PPL: variants seen among roughly 807,000 people sequenced by gnomAD.
PPL encodes periplakin, also known as 190 kDa paraneoplastic pemphigus antigen.
Under a neutral mutation model 194.4 loss-of-function variants are expected in PPL, and 198 were observed. That is an observed-to-expected ratio of 1.02 (90% CI 0.91 to 1.15). PPL has a LOEUF of 1.15. Among genes scored for constraint, PPL ranks in the 50% most tolerant of loss-of-function variants. The pLI, the probability that PPL is intolerant of heterozygous loss-of-function variation, is 0.00. For synonymous variants in PPL, 1,220 were observed against 972.4 expected, an observed-to-expected ratio of 1.25 and a Z score of -4.74; for missense variants, 2,885 against 2,294.8, an observed-to-expected ratio of 1.26 and a Z score of -5.25.
At chr16:4,913,774 C>T (rs568122303) in intron 1 of PPL, among the ~76,000 whole-genome samples, 15 of 152,312 alleles carry the variant, frequency 9.8e-5, no homozygotes, top group East Asian at 1.9e-4. Flanking sequence ...AGTTAGCCAG[C>T]GATGATAGCT....
chr16:4,894,894 C>T (rs182175180), intron 11 of PPL, among the ~76,000 whole-genome samples: 7 of 152,350 alleles, frequency 4.6e-5, no homozygotes, highest in African/African-American at 1.4e-4. Flanking sequence ...GGACATGTGA[C>T]TTGGACCTGG....
rs545438696 is a variant in PPL, at chr16:4,907,690, G to A, written c.162+3160C>T. On this transcript the variant is annotated intron_variant, in intron 2 of 21. Coordinates refer to ENST00000345988, the MANE Select transcript of PPL (RefSeq NM_002705.5). ...GCCACTGACTTGTACACATTACATGGTTAATTTTATGTTATGTGAATCTCC... is the reference window on the plus strand; with the variant it reads ...GCCACTGACTTGTACACATTACATGATTAATTTTATGTTATGTGAATCTCC... 2.6e-5 allele frequency among the ~76,000 whole-genome samples: 4 copies of A among 152,158 alleles called. No individual in the cohort carries two copies. The East Asian group carries it at 5.8e-4, about 22-fold the overall frequency.
rs777953426 is a variant in PPL at position 4,884,378 on chromosome 16, C to T, written c.4277G>A (p.Arg1426Gln). The change falls in exon 22 of 22, where the codon CGG becomes CAG. Residue 1426 changes from arginine to glutamine, a missense_variant. Coordinates refer to ENST00000345988, the MANE Select transcript of PPL (RefSeq NM_002705.5). This position sits in a 1 kb window ranked among gnomAD's most constrained non-coding sequence, Gnocchi z 5.7. Reference protein sequence around the residue: ...AEREVQRLQQRLAALEQEEAE... With the variant: ...AEREVQRLQQQLAALEQEEAE... ...TTCTTCCTGCTCCAGCGCTGCCAGC[C>T]GCTGCTGCAACCGCTGTACCTCGCG... The T allele has an allele frequency of 1.1e-5, 18 of 1,611,598 alleles. No individual in the cohort carries two copies. Among genetic ancestry groups the T allele is most frequent in the Middle Eastern group, 1.6e-4 (1 of 6,068 alleles).
At position 4,899,323 on chromosome 16, in the gene PPL, G is replaced by C; in HGVS notation, c.668C>G (p.Thr223Ser). The C allele has an allele frequency of 6.2e-7, 1 of 1,613,618 alleles. No homozygotes were observed. The highest frequency in any genetic ancestry group is 1.1e-5 in the South Asian group (1 of 91,080). Residue 223 changes from threonine (T) to serine (S), a missense_variant, in exon 7 of 22, where the codon ACC becomes AGC. Thr to Ser is a moderately conservative substitution (Grantham distance 58). Coordinates refer to ENST00000345988, the MANE Select transcript of PPL (RefSeq NM_002705.5). ...CTGGTCCAGCCAGTACAGCTCATTG[G>C]TGCAGCGCTGCATGTAGTCCTGCAG... ...SSLQDYMQRC[T>S]NELYWLDQQA...
intron 19 of PPL, 95 bp from the exon 20 acceptor site, chr16:4,888,313 C>G: frequency 2.4e-6 from 2 of 839,494 alleles, no homozygotes; most frequent in South Asian, 2.9e-5. Flanking sequence ...CAGACCTGCC[C>G]TGTGCCATGT....
intron 14 of PPL, chr16:4,892,911 C>T (rs567169517): frequency 2.2e-4 from 75 of 334,750 alleles, no homozygotes; most frequent in African/African-American, 1.5e-3. Flanking sequence ...AACGTGTTTG[C>T]AGTCAAGCCA....
chr16:4,883,138 C>T lies in PPL; in HGVS notation c.*246G>A, dbSNP rs1280108942. ...TACAGGAAAAGGGAGGAAAAGGCAT[C>T]GCAGTTGTCCAGTCATTGGAGGATG... is the stretch of plus-strand genomic sequence containing the variant. On this transcript the variant is annotated 3_prime_UTR_variant, in exon 22 of 22. Transcript: ENST00000345988. This position sits in a 1 kb window ranked among gnomAD's most constrained non-coding sequence, Gnocchi z 4.8. 4 of 518,956 alleles carry T rather than the reference C, an allele frequency of 7.7e-6. No homozygotes were observed. Among genetic ancestry groups the T allele is most frequent in the Middle Eastern group, 5.2e-4 (1 of 1,932 alleles). The allele number at this position is 518,956 out of a possible 1,614,324, so 32.1% of individuals were successfully genotyped here.
At chr16:4,921,432 G>T (rs558855789) in intron 1 of PPL, among the ~76,000 whole-genome samples, 29 of 152,248 alleles carry the variant, frequency 1.9e-4, no homozygotes, top group Non-Finnish European at 3.7e-4. Context: ...TGGCTCTGTC[G>T]CCAGGAGTCA....
rs778718865 is a variant in PPL at position 4,901,068 on chromosome 16, A to T, written c.460T>A (p.Phe154Ile). The T allele has an allele frequency of 1.9e-6, 3 of 1,614,144 alleles. No individual in the cohort carries two copies. The South Asian group carries it at 3.3e-5, about 18-fold the overall frequency. Residue 154 changes from phenylalanine (F) to isoleucine (I), a missense_variant, in exon 5 of 22, where the codon TTT (phenylalanine) becomes ATT (isoleucine). By Grantham distance (21) the Phe-to-Ile change is conservative. Coordinates refer to ENST00000345988, the MANE Select transcript of PPL (RefSeq NM_002705.5). ...EKLDKLNNQS[F>I]GTDLPLVDHQ... ...TCCACCAGCGGCAGGTCAGTCCCAA[A>T]GCTCTGGTTGTTCAGCTTGTCCTGG...
chr16:4,933,602 T>C (rs2089252777), intron 1 of PPL, among the ~76,000 whole-genome samples: 2 of 152,282 alleles, frequency 1.3e-5, no homozygotes, highest in South Asian at 2.1e-4. Context: ...TCACAAAGTA[T>C]GTGAGTGGCC....
chr16:4,883,338 G>C lies in PPL; in HGVS notation c.*46C>G, dbSNP rs201511569. ...ACACCAAGGAGGTCACTGCGTCGTAGGAGAGGGCCAGCGTCTGCCGTTACG... is the reference window on the plus strand; with the variant it reads ...ACACCAAGGAGGTCACTGCGTCGTACGAGAGGGCCAGCGTCTGCCGTTACG... On this transcript the variant is annotated 3_prime_UTR_variant, in exon 22 of 22. Coordinates refer to ENST00000345988, the MANE Select transcript of PPL (RefSeq NM_002705.5). This position sits in a 1 kb window ranked among gnomAD's most constrained non-coding sequence, Gnocchi z 4.8. The C allele has an allele frequency of 4.4e-6, 7 of 1,608,798 alleles. No homozygotes were observed. In the East Asian group the frequency reaches 1.6e-4, roughly 36 times the overall value.
intron 18 of PPL, among the ~76,000 whole-genome samples, chr16:4,889,580 G>C (rs1043361814): frequency 6.6e-6 from 1 of 152,124 alleles, no homozygotes; most frequent in Non-Finnish European, 1.5e-5. Context: ...CTAAGGCTCT[G>C]TGAAGAAGGG....
At chr16:4,898,601 T>C (rs1052582123) in intron 8 of PPL, among the ~76,000 whole-genome samples, 2 of 152,140 alleles carry the variant, frequency 1.3e-5, no homozygotes, top group Non-Finnish European at 2.9e-5. Flanking sequence ...CCAAGGGCTG[T>C]TGGCAACCCC....
intron 1 of PPL, among the ~76,000 whole-genome samples, chr16:4,928,231 C>G (rs2089184086): frequency 6.6e-6 from 1 of 152,254 alleles, no homozygotes; most frequent in African/African-American, 2.4e-5. Flanking sequence ...GCCTTCAACT[C>G]TTGGGCTCAA....
At chr16:4,894,696 G>A (rs1267905515) in intron 11 of PPL, 78 bp from the exon 12 acceptor site, 11 of 1,527,630 alleles carry the variant, frequency 7.2e-6, no homozygotes, top group East Asian at 4.6e-5. Flanking sequence ...CTCAGCCCCC[G>A]ACTCTTGGAC....
At chr16:4,910,783 G>T in intron 2 of PPL, 67 bp downstream of exon 2, 1 of 1,353,506 alleles carries the variant, frequency 7.4e-7, no homozygotes, top group Non-Finnish European at 1.1e-6. Flanking sequence ...ATTCCAAACA[G>T]ATCCTGGTCC....
At chr16:4,915,772 G>C (rs2088904617) in intron 1 of PPL, among the ~76,000 whole-genome samples, 1 of 152,212 alleles carries the variant, frequency 6.6e-6, no homozygotes, top group African/African-American at 2.4e-5. Context: ...TGACAACCCT[G>C]AGAGCTGGGT....
rs1296753292 is a variant in PPL at position 4,902,356 on chromosome 16, C to T, written c.438+50G>A. 1 of 1,607,322 alleles carries T rather than the reference C, an allele frequency of 6.2e-7. No homozygotes were observed. The highest frequency in any genetic ancestry group is 1.1e-5 in the South Asian group (1 of 89,772). On this transcript the variant is annotated intron_variant, in intron 4 of 21. Transcript: ENST00000345988. This position sits in a 1 kb window ranked among gnomAD's most constrained non-coding sequence, Gnocchi z 4.0. ...GTAGGCTCTCCCTGCACACGCACAG[C>T]CCCCTCCCCAGCTGAAACCCTGGAG... is the stretch of plus-strand genomic sequence containing the variant.
chr16:4,894,580 C>G lies in PPL; in HGVS notation c.1281G>C (p.Lys427Asn), dbSNP rs144887163. The change falls in exon 12 of 22, where the codon AAG (lysine) becomes AAC (asparagine). Residue 427 changes from lysine (K) to asparagine (N), a missense_variant. Transcript: ENST00000345988. ...TGAGCTCCCAGCTCTCCCCGTTGTT[C>G]TTCTGCAGGGTGTAGCTGTAGCCCC... ...ISRGYSYTLQKNNGESWELMD... is the reference protein window; with the variant it reads ...ISRGYSYTLQNNNGESWELMD... 4.3e-4 allele frequency: 686 copies of G among 1,613,850 alleles called. 4 individuals carry two copies. Among genetic ancestry groups the G allele is most frequent in the South Asian group, 4.2e-3 (378 of 91,084 alleles).
Sources: allele counts gnomAD v4.1 joint callset (sites outside exome capture counted in the v4.1 genomes callset), GRCh38; gene constraint gnomAD v4.1.1; non-coding constraint Gnocchi (gnomAD v3.1); transcripts MANE v1.5; gene names NCBI Gene and HGNC (gene_info 2026-07-23, HGNC 2026-07-21).